The following VPS35L variants were observed in gnomAD, a reference collection of about 807,000 sequenced individuals.
VPS35L encodes the protein VPS35 endosomal protein sorting factor like.
In VPS35L, 83 loss-of-function variants were observed where a neutral mutation model predicts 133.0. The observed-to-expected ratio is 0.62, with a 90% CI of 0.52 to 0.75. The LOEUF (loss-of-function observed/expected upper bound fraction) is 0.75. VPS35L is among the 30% of genes least tolerant of loss of function. VPS35L has a pLI of 0.00. For synonymous variants in VPS35L, 423 were observed against 449.9 expected (o/e 0.94, Z 0.76); for missense variants, 1,083 against 1,206.8 (o/e 0.90, Z 1.52).
intron 23 of VPS35L, 134 bp from the exon 24 acceptor site, chr16:19,647,650 G>T: frequency 1.4e-6 from 1 of 712,898 alleles, no homozygotes; most frequent in South Asian, 1.7e-5. Context: ...TATACCCTTC[G>T]ACTTCTTAGG....
chr16:19,621,017 CAGTT>C (rs1973063002), intron 14 of VPS35L, among the ~76,000 whole-genome samples: 1 of 151,776 alleles, frequency 6.6e-6, no homozygotes, highest in Admixed American at 6.6e-5. Context: ...AGACATCTGT[CAGTT>C]AGGGGCAGTT....
At chr16:19,590,240 T>G (rs1036821489) in intron 7 of VPS35L, among the ~76,000 whole-genome samples, 8 of 146,688 alleles carry the variant, frequency 5.5e-5, no homozygotes, top group African/African-American at 2.0e-4. Context: ...ATGGAGAAAC[T>G]TGGTGACTCT....
chr16:19,682,636 C>T (rs1975327703), intron 28 of VPS35L, among the ~76,000 whole-genome samples: 1 of 152,086 alleles, frequency 6.6e-6, no homozygotes, highest in South Asian at 2.1e-4. Flanking sequence ...CCAAGGCAGG[C>T]GGATCACCTG....
At chr16:19,675,799 C>T (rs60585236) in intron 27 of VPS35L, among the ~76,000 whole-genome samples, 8,156 of 151,914 alleles carry the variant, frequency 0.054, 473 homozygotes, top group African/African-American at 0.14. Flanking sequence ...CTCAGCCCCC[C>T]TCCGCCTCCC....
chr16:19,667,812 G>A (rs747126103), intron 26 of VPS35L, among the ~76,000 whole-genome samples: 1 of 150,550 alleles, frequency 6.6e-6, no homozygotes, highest in Non-Finnish European at 1.5e-5. Flanking sequence ...CACAGTTTAT[G>A]TTGTCAACGC....
At chr16:19,581,674 A>ACCCCCCCCCCCCCC in intron 7 of VPS35L, 21 bp downstream of exon 7, 1 of 1,208,252 alleles carries the variant, frequency 8.3e-7, no homozygotes, top group East Asian at 3.0e-5. Context: ...GTGATCCCCC[A>ACCCCCCCCCCCCCC]CCCCCACCCA....
At chr16:19,574,438 G>A (rs969580804) in intron 4 of VPS35L, among the ~76,000 whole-genome samples, 5 of 152,168 alleles carry the variant, frequency 3.3e-5, no homozygotes, top group African/African-American at 7.2e-5. Context: ...ATGTAGCAGC[G>A]TGTCCATCTA....
chr16:19,558,192 A>G (rs1970920537), intron 1 of VPS35L, among the ~76,000 whole-genome samples: 1 of 152,202 alleles, frequency 6.6e-6, no homozygotes, highest in South Asian at 2.1e-4. Flanking sequence ...TGCAGAGGAG[A>G]AATGAGTTTC....
Position 19,693,709 on chromosome 16 carries a change from G to T in VPS35L, c.2646+2238G>T, listed in dbSNP as rs190031581. 4.0e-3 allele frequency among the ~76,000 whole-genome samples: 604 copies of T among 152,180 alleles called. 5 individuals carry two copies. The highest frequency in any genetic ancestry group is 0.014 in the African/African-American group (569 of 41,512). The stretch of plus-strand genomic sequence containing the variant: ...TGAGGCAGAAGAATCGCTTAAACCC[G>T]GGAGGCGGAGGTTGCCGTGAGCCCA... On this transcript the variant is annotated intron_variant, in intron 29 of 30. Coordinates refer to ENST00000417362, the MANE Select transcript of VPS35L (RefSeq NM_020314.7).
intron 15 of VPS35L, among the ~76,000 whole-genome samples, chr16:19,626,802 C>T (rs146474395): frequency 2.4e-3 from 368 of 152,108 alleles, no homozygotes; most frequent in Middle Eastern, 0.024. Flanking sequence ...GTTATTTCCC[C>T]ATGGGGCTGT....
rs116296828 is a variant in VPS35L at position 19,674,752 on chromosome 16, T to C, written c.2361+5453T>C. ...CCACCCCCTGCAACCACCATTCTAC[T>C]CTCTGATTCTATGAATCTATTTTAG... On this transcript the variant is annotated intron_variant, in intron 27 of 30. Transcript: ENST00000417362. Among the ~76,000 whole-genome samples the C allele has an allele frequency of 2.9e-3, 444 of 152,224 alleles. 5 individuals carry two copies. Among genetic ancestry groups the C allele is most frequent in the African/African-American group, 0.01 (429 of 41,526 alleles).
chr16:19,659,231 G>C (rs895040778), intron 26 of VPS35L, among the ~76,000 whole-genome samples: 2 of 152,126 alleles, frequency 1.3e-5, no homozygotes, highest in African/African-American at 2.4e-5. Context: ...ATGAGCTACT[G>C]CATGGATGAG....
intron 21 of VPS35L, 98 bp from the exon 22 acceptor site, chr16:19,642,297 TG>T: frequency 3.2e-6 from 3 of 944,196 alleles, no homozygotes; most frequent in Non-Finnish European, 4.8e-6. Context: ...CTGGATAATT[TG>T]CTGCTTTTCA....
chr16:19,647,045 C>T (rs543078320), intron 23 of VPS35L, among the ~76,000 whole-genome samples: 8 of 152,284 alleles, frequency 5.3e-5, no homozygotes, highest in South Asian at 2.1e-4. Context: ...TTCAATAGTG[C>T]GGGTTGATTA....
chr16:19,601,816 G>A lies in VPS35L; in HGVS notation c.784+93G>A, dbSNP rs7199732. The A allele has an allele frequency of 0.01, 13,514 of 1,337,746 alleles. 1,117 individuals carry two copies. In the African/African-American group the frequency reaches 0.18, roughly 17 times the overall value. The allele number at this position is 1,337,746 out of a possible 1,614,324, so 82.9% of individuals were successfully genotyped here. A position where few individuals can be genotyped will look rare whatever the true frequency, so the allele number is the denominator to read the frequency against. On this transcript the variant is annotated intron_variant, in intron 9 of 30. Transcript: ENST00000417362. Reference sequence around the variant, plus strand: ...TCAGGATTCATTGAAGCTTGATAAAGGTTTTAATTTTGGGTGTGTTAAAGT... The same window carrying A: ...TCAGGATTCATTGAAGCTTGATAAAAGTTTTAATTTTGGGTGTGTTAAAGT...
intron 18 of VPS35L, among the ~76,000 whole-genome samples, chr16:19,631,044 C>T (rs1292941499): frequency 6.6e-6 from 1 of 152,014 alleles, no homozygotes; most frequent in Non-Finnish European, 1.5e-5. Flanking sequence ...TCCTGAGTTG[C>T]TCACTGTCCC....
intron 8 of VPS35L, among the ~76,000 whole-genome samples, chr16:19,594,824 A>AT (rs1972157967): frequency 6.6e-6 from 1 of 151,654 alleles, no homozygotes; most frequent in Admixed American, 6.6e-5. Context: ...AATGGAGGGA[A>AT]TTAGGTGAGG....
In VPS35L at chr16:19,663,897, G is replaced by T. The variant is rs1362825913; in HGVS notation, c.2222-5263G>T. On this transcript the variant is annotated intron_variant, in intron 26 of 30. Transcript: ENST00000417362. ...TTCTGTCTGCATCTCACCCTTTCCC[G>T]CAGCTATTTGCTTGTGACATATATT... Among the ~76,000 whole-genome samples the T allele has an allele frequency of 2.0e-5, 3 of 151,708 alleles. No individual in the cohort carries two copies. The East Asian group carries it at 5.8e-4, about 29-fold the overall frequency.
chr16:19,626,251 G>C, intron 15 of VPS35L, 28 bp downstream of exon 15: 1 of 1,567,154 alleles, frequency 6.4e-7, no homozygotes, highest in Non-Finnish European at 8.7e-7. Flanking sequence ...CATAAAGCAT[G>C]AGTTTGAAAA....
Sources: allele counts gnomAD v4.1 joint callset (sites outside exome capture counted in the v4.1 genomes callset), GRCh38; gene constraint gnomAD v4.1.1; transcripts MANE v1.5; gene names NCBI Gene and HGNC (gene_info 2026-07-23, HGNC 2026-07-21).